SRBD1: variants seen among roughly 807,000 people sequenced by gnomAD.
SRBD1 encodes S1 RNA binding domain 1, also known as S1 RNA-binding domain-containing protein 1.
Under a neutral mutation model 115.3 loss-of-function variants are expected in SRBD1, and 88 were observed. That is an observed-to-expected ratio of 0.76 (90% CI 0.64 to 0.91). SRBD1 has a LOEUF of 0.91. Among genes scored for constraint, SRBD1 ranks in the 40% least tolerant of loss-of-function variants. The probability of loss-of-function intolerance (pLI) is 0.00; values close to 1 mark genes in which losing one functional copy is unlikely to be tolerated. For synonymous variants in SRBD1, 509 were observed against 407.7 expected (o/e 1.25, Z -2.99); for missense variants, 1,385 against 1,177.4 (o/e 1.18, Z -2.58).
intron 16 of SRBD1, among the ~76,000 whole-genome samples, chr2:45,429,587 T>C (rs1001457373): frequency 6.6e-6 from 1 of 152,186 alleles, no homozygotes; most frequent in Non-Finnish European, 1.5e-5. Context: ...TTTGATAAAA[T>C]TCAACACCCC....
At chr2:45,481,694 A>G (rs551004178) in intron 15 of SRBD1, among the ~76,000 whole-genome samples, 1 of 63,716 alleles carries the variant, frequency 1.6e-5, no homozygotes, top group Admixed American at 1.5e-4. Context: ...TATTCATAGT[A>G]GCCAAAAATG....
chr2:45,413,668 C>A (rs1021182250), intron 18 of SRBD1, among the ~76,000 whole-genome samples: 1 of 152,142 alleles, frequency 6.6e-6, no homozygotes, highest in Non-Finnish European at 1.5e-5. Context: ...TGGCTCACAC[C>A]TGTAATCCCA....
intron 16 of SRBD1, among the ~76,000 whole-genome samples, chr2:45,452,345 T>C (rs1391254834): frequency 6.6e-6 from 1 of 151,970 alleles, no homozygotes; most frequent in African/African-American, 2.4e-5. Context: ...TTCACACGCC[T>C]ACTTTTACCT....
intron 16 of SRBD1, among the ~76,000 whole-genome samples, chr2:45,468,773 T>C (rs1271135638): frequency 6.6e-6 from 1 of 152,176 alleles, no homozygotes; most frequent in Non-Finnish European, 1.5e-5. Context: ...AATTGCTGAG[T>C]TGAAGAGAAT....
chr2:45,472,791 A>AG (rs1235062540), intron 16 of SRBD1, among the ~76,000 whole-genome samples: 1 of 152,232 alleles, frequency 6.6e-6, no homozygotes, highest in Non-Finnish European at 1.5e-5. Context: ...CAGATTGCTC[A>AG]GGGCAATCAT....
intron 16 of SRBD1, among the ~76,000 whole-genome samples, chr2:45,436,467 G>A (rs1006190483): frequency 6.6e-5 from 10 of 152,236 alleles, no homozygotes; most frequent in South Asian, 2.1e-4. Flanking sequence ...TTTTCACACC[G>A]CTATAAAGAA....
At chr2:45,415,460 A>C (rs1166583496) in intron 18 of SRBD1, among the ~76,000 whole-genome samples, 2 of 145,294 alleles carry the variant, frequency 1.4e-5, no homozygotes, top group Non-Finnish European at 3.0e-5. Context: ...AAAAATATAC[A>C]TCTATAAGAA....
At chr2:45,606,343 A>G (rs1674273577) in intron 1 of SRBD1, among the ~76,000 whole-genome samples, 1 of 151,984 alleles carries the variant, frequency 6.6e-6, no homozygotes, top group African/African-American at 2.4e-5. Context: ...ATTTTTTAGT[A>G]GAGACAGCAT....
chr2:45,420,002 T>C, intron 16 of SRBD1, 108 bp from the exon 17 acceptor site: 1 of 978,126 alleles, frequency 1.0e-6, no homozygotes, highest in Non-Finnish European at 1.6e-6. Context: ...CCATGGTAAA[T>C]TTCTTCATTC....
At chr2:45,444,278 A>T (rs1668756286) in intron 16 of SRBD1, among the ~76,000 whole-genome samples, 1 of 152,104 alleles carries the variant, frequency 6.6e-6, no homozygotes, top group South Asian at 2.1e-4. Context: ...GTGGTGGTGC[A>T]CCTGTAGTCC....
chr2:45,429,048 A>G (rs1486659977), intron 16 of SRBD1, among the ~76,000 whole-genome samples: 2 of 152,226 alleles, frequency 1.3e-5, no homozygotes, highest in Non-Finnish European at 2.9e-5. Context: ...AAAATCCAGA[A>G]GAAATGGATA....
chr2:45,411,902 G>C (rs947102724), intron 19 of SRBD1, among the ~76,000 whole-genome samples: 2 of 152,246 alleles, frequency 1.3e-5, no homozygotes, highest in Admixed American at 1.3e-4. Context: ...CTTGAGTCCA[G>C]GAGTTTGAAA....
intron 16 of SRBD1, among the ~76,000 whole-genome samples, chr2:45,456,067 T>A (rs1345112138): frequency 6.6e-6 from 1 of 151,814 alleles, no homozygotes. Flanking sequence ...TCCTGGCAAA[T>A]GCAAAAGAAA....
intron 17 of SRBD1, among the ~76,000 whole-genome samples, 166 bp downstream of exon 17, chr2:45,419,622 T>G (rs142246413): frequency 6.6e-6 from 1 of 152,372 alleles, no homozygotes; most frequent in Non-Finnish European, 1.5e-5. Flanking sequence ...TATAATTCTT[T>G]TCTTAAATGA....
At chr2:45,525,084 C>A (rs766263903) in intron 14 of SRBD1, among the ~76,000 whole-genome samples, 11 of 151,764 alleles carry the variant, frequency 7.2e-5, no homozygotes, top group Non-Finnish European at 1.3e-4. Context: ...TGGATAGCCA[C>A]AGGCAAAAAA....
intron 16 of SRBD1, among the ~76,000 whole-genome samples, chr2:45,435,682 T>C (rs977280482): frequency 7.2e-5 from 11 of 152,066 alleles, no homozygotes; most frequent in Admixed American, 2.6e-4. Flanking sequence ...AGAGACCTCG[T>C]TGAACACCCC....
intron 14 of SRBD1, among the ~76,000 whole-genome samples, chr2:45,541,206 C>T (rs185650281): frequency 3.9e-5 from 6 of 152,218 alleles, no homozygotes; most frequent in Non-Finnish European, 5.9e-5. Context: ...CCAGATATAT[C>T]ACATGCAACT....
chr2:45,485,563 A>G (rs1670092865), intron 15 of SRBD1, among the ~76,000 whole-genome samples: 1 of 152,216 alleles, frequency 6.6e-6, no homozygotes. Flanking sequence ...TTTAGAGGCC[A>G]TGTACCATGC....
chr2:45,490,820 C>T (rs1317149081), intron 14 of SRBD1, among the ~76,000 whole-genome samples: 1 of 152,024 alleles, frequency 6.6e-6, no homozygotes, highest in Non-Finnish European at 1.5e-5. Context: ...CAGAGGAATA[C>T]AAAACAGATG....
Sources: allele counts gnomAD v4.1 joint callset (sites outside exome capture counted in the v4.1 genomes callset), GRCh38; gene constraint gnomAD v4.1.1; transcripts MANE v1.5; gene names NCBI Gene and HGNC (gene_info 2026-07-23, HGNC 2026-07-21).